NKAIN2: variants seen among roughly 807,000 people sequenced by gnomAD.
NKAIN2 encodes the protein sodium/potassium transporting ATPase interacting 2, also known as sodium/potassium-transporting ATPase subunit beta-1-interacting protein 2.
A neutral mutation model predicts 32.6 loss-of-function variants in NKAIN2; 14 were observed. That is an observed-to-expected ratio of 0.43 (90% confidence interval 0.28 to 0.67). The LOEUF is 0.67. Among genes scored for constraint, NKAIN2 ranks in the 30% least tolerant of loss-of-function variants. The pLI, the probability that NKAIN2 is intolerant of heterozygous loss-of-function variation, is 0.17. For synonymous variants in NKAIN2, 80 were observed against 87.2 expected (o/e 0.92, Z 0.46); for missense variants, 198 against 258.3 (o/e 0.77, Z 1.60).
At chr6:123,827,314 C>T (rs759068329) in intron 1 of NKAIN2, among the ~76,000 whole-genome samples, 9 of 152,084 alleles carry the variant, frequency 5.9e-5, no homozygotes, top group Non-Finnish European at 1.2e-4. Flanking sequence ...ATTTCCTGTC[C>T]TGATGTCTTG....
chr6:124,205,442 A>C lies in NKAIN2; in HGVS notation c.55-77563A>C, dbSNP rs74760291. Among the ~76,000 whole-genome samples the C allele has an allele frequency of 1.9e-3, 295 of 151,798 alleles. 7 individuals are homozygous for C. The East Asian group carries it at 0.051, about 26-fold the overall frequency. On this transcript the variant is annotated intron_variant, in intron 1 of 6. Coordinates refer to ENST00000368417, the MANE Select transcript of NKAIN2 (RefSeq NM_001040214.3). ...TTATCTTTACCTGTCTTCCTCATGC[A>C]TTTCTGAATACTTTTACTCTACTGG... is the stretch of plus-strand genomic sequence containing the variant.
chr6:124,475,329 T>G (rs185452266), intron 3 of NKAIN2, among the ~76,000 whole-genome samples: 1 of 152,272 alleles, frequency 6.6e-6, no homozygotes, highest in Non-Finnish European at 1.5e-5. Context: ...AATCTAACAG[T>G]TAACACATTG....
intron 3 of NKAIN2, among the ~76,000 whole-genome samples, chr6:124,360,864 T>C (rs1799258707): frequency 6.6e-6 from 1 of 152,224 alleles, no homozygotes; most frequent in Admixed American, 6.5e-5. Flanking sequence ...AAAAAATTAG[T>C]CTGTAACCTG....
chr6:124,585,736 AC>A (rs1160549965), intron 3 of NKAIN2, among the ~76,000 whole-genome samples: 60 of 151,968 alleles, frequency 3.9e-4, no homozygotes, highest in African/African-American at 1.5e-3. Context: ...AGTTATTATT[AC>A]ACACTTATTA....
chr6:124,562,904 CTTTTT>C, intron 3 of NKAIN2, among the ~76,000 whole-genome samples: 1 of 131,200 alleles, frequency 7.6e-6, no homozygotes, highest in Admixed American at 7.7e-5. Flanking sequence ...TTTTTTGTTT[CTTTTT>C]TTTTTTTTTT....
intron 1 of NKAIN2, among the ~76,000 whole-genome samples, chr6:123,819,450 T>TGCTTGCTAAA (rs1773833695): frequency 6.6e-6 from 1 of 152,206 alleles, no homozygotes; most frequent in African/African-American, 2.4e-5. Flanking sequence ...CAAAAGTCAG[T>TGCTTGCTAAA]GCTTGCTAAA....
At chr6:123,851,336 G>C (rs1014146894) in intron 1 of NKAIN2, among the ~76,000 whole-genome samples, 5 of 128,304 alleles carry the variant, frequency 3.9e-5, no homozygotes, top group Middle Eastern at 5.6e-3. Context: ...TACAACCTCC[G>C]CCTCCTAGGT....
chr6:124,670,890 T>G (rs1773067593), intron 4 of NKAIN2, among the ~76,000 whole-genome samples: 1 of 152,028 alleles, frequency 6.6e-6, no homozygotes, highest in African/African-American at 2.4e-5. Flanking sequence ...GCCTCAAGCT[T>G]TACCTGTGCC....
chr6:124,289,516 G>A (rs1028571), intron 2 of NKAIN2, among the ~76,000 whole-genome samples: 44,804 of 152,064 alleles, frequency 0.29, 9,164 homozygotes, highest in African/African-American at 0.58. Flanking sequence ...TTACGACACA[G>A]CAACTTGAGA....
intron 2 of NKAIN2, among the ~76,000 whole-genome samples, chr6:124,315,672 A>G (rs1336537273): frequency 6.6e-6 from 1 of 152,148 alleles, no homozygotes; most frequent in Non-Finnish European, 1.5e-5. Flanking sequence ...CTGCACTGGC[A>G]CTTTGTTCAC....
At chr6:124,587,527 CT>C (rs958824356) in intron 3 of NKAIN2, among the ~76,000 whole-genome samples, 3 of 152,106 alleles carry the variant, frequency 2.0e-5, no homozygotes, top group Middle Eastern at 3.4e-3. Context: ...CCAAACTCCT[CT>C]TTTTTTTACA....
At chr6:124,515,508 C>T (rs1778869856) in intron 3 of NKAIN2, among the ~76,000 whole-genome samples, 1 of 151,918 alleles carries the variant, frequency 6.6e-6, no homozygotes, top group Non-Finnish European at 1.5e-5. Context: ...AAAACCAACT[C>T]TCGGATGATT....
chr6:124,453,995 T>C (rs1776221137), intron 3 of NKAIN2, among the ~76,000 whole-genome samples: 1 of 151,848 alleles, frequency 6.6e-6, no homozygotes, highest in South Asian at 2.1e-4. Flanking sequence ...AGTTATTCAG[T>C]AAATATGTTA....
intron 1 of NKAIN2, among the ~76,000 whole-genome samples, chr6:124,193,973 CAG>C (rs1790167611): frequency 6.6e-6 from 1 of 152,084 alleles, no homozygotes; most frequent in Non-Finnish European, 1.5e-5. Context: ...TAGCCCTCAG[CAG>C]AGAGAAGACC....
chr6:124,309,430 A>T (rs979421276), intron 2 of NKAIN2, among the ~76,000 whole-genome samples: 5 of 152,146 alleles, frequency 3.3e-5, no homozygotes, highest in Non-Finnish European at 7.4e-5. Flanking sequence ...TGATATTCTC[A>T]TGAAAAAATG....
chr6:123,839,948 TA>T (rs1774799275), intron 1 of NKAIN2, among the ~76,000 whole-genome samples: 2 of 152,156 alleles, frequency 1.3e-5, no homozygotes, highest in Non-Finnish European at 2.9e-5. Flanking sequence ...AATGGATCAT[TA>T]AAAAACTTTC....
At chr6:123,959,729 G>A (rs915614037) in intron 1 of NKAIN2, among the ~76,000 whole-genome samples, 2 of 151,804 alleles carry the variant, frequency 1.3e-5, no homozygotes, top group Admixed American at 1.3e-4. Context: ...ACAGTGGCTA[G>A]GGAAGTTAGA....
intron 1 of NKAIN2, among the ~76,000 whole-genome samples, chr6:124,130,066 T>A (rs924240070): frequency 1.3e-5 from 2 of 152,174 alleles, no homozygotes; most frequent in Admixed American, 6.6e-5. Flanking sequence ...TATAGTAAAA[T>A]TTCATGATTA....
chr6:124,250,902 A>C (rs190014163), intron 1 of NKAIN2, among the ~76,000 whole-genome samples: 1 of 152,168 alleles, frequency 6.6e-6, no homozygotes, highest in Non-Finnish European at 1.5e-5. Context: ...AGAGGTGTTG[A>C]TATCTAAGGA....
Sources: allele counts gnomAD v4.1 joint callset (sites outside exome capture counted in the v4.1 genomes callset), GRCh38; gene constraint gnomAD v4.1.1; transcripts MANE v1.5; gene names NCBI Gene and HGNC (gene_info 2026-07-23, HGNC 2026-07-21).